The following IFT43 variants were observed in gnomAD, a reference collection of about 807,000 sequenced individuals.
The protein encoded by IFT43 is intraflagellar transport protein 43 homolog.
A neutral mutation model predicts 32.3 loss-of-function variants in IFT43; 33 were observed. The observed-to-expected ratio is 1.02, with a 90% CI of 0.77 to 1.37. The LOEUF is 1.37. IFT43 is among the 40% of genes most tolerant of loss of function. The probability of loss-of-function intolerance (pLI) is 0.00; values close to 1 mark genes in which losing one functional copy is unlikely to be tolerated. For missense variants in IFT43, 274 were observed against 265.9 expected, an observed-to-expected ratio of 1.03 and a Z score of -0.21; for synonymous variants, 93 against 98.2, an observed-to-expected ratio of 0.95 and a Z score of 0.31.
At chr14:76,030,862 C>T (rs759671774) in intron 3 of IFT43, among the ~76,000 whole-genome samples, 4 of 151,760 alleles carry the variant, frequency 2.6e-5, no homozygotes, top group African/African-American at 9.7e-5. Context: ...TTACACCAAT[C>T]AATAGTTAAA....
intron 3 of IFT43, among the ~76,000 whole-genome samples, chr14:76,039,024 G>A (rs977271035): frequency 2.0e-5 from 3 of 152,134 alleles, no homozygotes; most frequent in African/African-American, 7.2e-5. Flanking sequence ...CACTGTTCAT[G>A]GGCACAGATG....
At chr14:76,044,245 G>A (rs540822748) in intron 3 of IFT43, among the ~76,000 whole-genome samples, 2 of 151,998 alleles carry the variant, frequency 1.3e-5, no homozygotes, top group Non-Finnish European at 2.9e-5. Context: ...TCACTATGTT[G>A]ACCAGGCTGG....
chr14:76,060,361 G>A (rs556385312), intron 5 of IFT43, among the ~76,000 whole-genome samples: 1 of 152,060 alleles, frequency 6.6e-6, no homozygotes, highest in South Asian at 2.1e-4. Context: ...GGGGTTGCAG[G>A]TGCATGCCAC....
chr14:76,010,917 T>C (rs2036072019), intron 2 of IFT43, among the ~76,000 whole-genome samples: 2 of 151,870 alleles, frequency 1.3e-5, no homozygotes, highest in African/African-American at 4.8e-5. Flanking sequence ...TTTTTTTTTT[T>C]TTAATGACAG....
At chr14:76,010,114 T>C (rs573964958) in intron 2 of IFT43, among the ~76,000 whole-genome samples, 1 of 152,282 alleles carries the variant, frequency 6.6e-6, no homozygotes, top group South Asian at 2.1e-4. Flanking sequence ...TTCTACCACA[T>C]TGTTTTCTTC....
chr14:76,012,399 C>T (rs973300845), intron 2 of IFT43, among the ~76,000 whole-genome samples: 16 of 152,180 alleles, frequency 1.1e-4, no homozygotes, highest in African/African-American at 2.9e-4. Context: ...CTAGCCCATT[C>T]GGATGAGACC....
chr14:76,081,181 C>T (rs141786900), intron 5 of IFT43, among the ~76,000 whole-genome samples: 33 of 152,348 alleles, frequency 2.2e-4, no homozygotes, highest in African/African-American at 6.7e-4. Context: ...GTCGAAATCA[C>T]GAATTGCCTG....
At chr14:76,058,253 C>T (rs1410664917) in intron 3 of IFT43, 1 of 261,418 alleles carries the variant, frequency 3.8e-6, no homozygotes, top group South Asian at 4.5e-5. Context: ...CGTTGCAAGT[C>T]GCAAGTGCTG....
intron 4 of IFT43, chr14:76,058,993 C>T (rs1187425842): frequency 1.4e-6 from 2 of 1,427,302 alleles, no homozygotes; most frequent in Non-Finnish European, 1.8e-6. Flanking sequence ...CTAAGCCTTG[C>T]CTTCTCATAA....
intron 5 of IFT43, chr14:76,076,723 G>T: frequency 6.2e-7 from 1 of 1,613,098 alleles, no homozygotes; most frequent in South Asian, 1.1e-5. Context: ...TACGGGAACT[G>T]AAAAGGATCC....
Position 76,056,627 on chromosome 14 carries a change from C to T in IFT43, c.216-2015C>T, listed in dbSNP as rs570752508. ...TTATGTACACAACGAAGGCGCCAGC[C>T]TTCCTTCCTAGCCTCTTTAATCCCG... On this transcript the variant is annotated intron_variant, in intron 3 of 8. Transcript: ENST00000314067. 2.6e-5 allele frequency among the ~76,000 whole-genome samples: 4 copies of T among 152,278 alleles called. No homozygotes were observed. In the South Asian group the frequency reaches 6.2e-4, roughly 24 times the overall value.
intron 3 of IFT43, 124 bp from the exon 4 acceptor site, chr14:76,058,518 C>A: frequency 1.8e-6 from 2 of 1,113,008 alleles, no homozygotes; most frequent in South Asian, 1.4e-5. Flanking sequence ...AAGAGGACTG[C>A]AGACAAATAA....
At chr14:76,073,605 C>T (rs930593224) in intron 5 of IFT43, among the ~76,000 whole-genome samples, 1 of 152,022 alleles carries the variant, frequency 6.6e-6, no homozygotes, top group Non-Finnish European at 1.5e-5. Context: ...GCACACATCT[C>T]TGTGTGTGTG....
At chr14:76,005,256 T>G (rs1299708758) in intron 2 of IFT43, among the ~76,000 whole-genome samples, 2 of 152,252 alleles carry the variant, frequency 1.3e-5, no homozygotes, top group African/African-American at 2.4e-5. Context: ...GTGGATCACC[T>G]TAAACTTGTG....
chr14:76,077,479 C>T (rs1403669605), intron 5 of IFT43, among the ~76,000 whole-genome samples: 1 of 152,124 alleles, frequency 6.6e-6, no homozygotes, highest in Admixed American at 6.5e-5. Context: ...CCTAATTTTT[C>T]CAGTCCTTGG....
intron 3 of IFT43, among the ~76,000 whole-genome samples, chr14:76,047,979 G>T (rs2287474): frequency 0.32 from 48,322 of 151,786 alleles, 7,749 homozygotes; most frequent in Admixed American, 0.34. Context: ...TCCGTTTGGA[G>T]ATGGAGAAAA....
chr14:76,079,906 G>T (rs1376038711), intron 5 of IFT43, among the ~76,000 whole-genome samples: 1 of 151,434 alleles, frequency 6.6e-6, no homozygotes, highest in Admixed American at 6.6e-5. Context: ...TCTTTTTTCT[G>T]TGTTCGTTCA....
At chr14:76,068,404 C>G (rs1275143717) in intron 5 of IFT43, among the ~76,000 whole-genome samples, 1 of 152,214 alleles carries the variant, frequency 6.6e-6, no homozygotes, top group Non-Finnish European at 1.5e-5. Flanking sequence ...CCCACATAAA[C>G]TGCTTTTGAT....
chr14:76,062,736 C>T (rs1185784597), intron 5 of IFT43, among the ~76,000 whole-genome samples: 3 of 151,356 alleles, frequency 2.0e-5, no homozygotes, highest in South Asian at 2.1e-4. Flanking sequence ...CCCAACATGG[C>T]GAAACCGCAT....
Sources: allele counts gnomAD v4.1 joint callset (sites outside exome capture counted in the v4.1 genomes callset), GRCh38; gene constraint gnomAD v4.1.1; transcripts MANE v1.5; gene names NCBI Gene and HGNC (gene_info 2026-07-23, HGNC 2026-07-21).